The following AFG2A variants were observed in gnomAD, a reference collection of about 807,000 sequenced individuals.
The protein encoded by AFG2A is ATPase family gene 2 protein homolog A.
chr4:123,255,551 C>T, the AFG2A span, among the ~76,000 whole-genome samples: 1 of 151,352 alleles, frequency 6.6e-6, no homozygotes, highest in South Asian at 2.1e-4. Context: ...GCCACCATAC[C>T]TGTCCTTAAA....
chr4:123,059,301 C>A, the AFG2A span, among the ~76,000 whole-genome samples: 1 of 126,272 alleles, frequency 7.9e-6, no homozygotes, highest in Non-Finnish European at 1.7e-5. Flanking sequence ...CATCCCTCCC[C>A]CCTCCCCCGA....
the AFG2A span, among the ~76,000 whole-genome samples, chr4:123,206,069 G>T: frequency 6.6e-6 from 1 of 152,152 alleles, no homozygotes; most frequent in Non-Finnish European, 1.5e-5. Flanking sequence ...TTAAACAGTG[G>T]TTTCCTGATG....
At chr4:123,305,308 A>G in the AFG2A span, among the ~76,000 whole-genome samples, 14 of 152,248 alleles carry the variant, frequency 9.2e-5, no homozygotes, top group South Asian at 2.9e-3. Context: ...CGGCATCCCT[A>G]TTGGAAGGGA....
chr4:123,010,940 T>C, the AFG2A span, among the ~76,000 whole-genome samples: 1 of 152,222 alleles, frequency 6.6e-6, no homozygotes, highest in Non-Finnish European at 1.5e-5. Flanking sequence ...GGGACAAACT[T>C]TGATGTAAGT....
the AFG2A span, among the ~76,000 whole-genome samples, chr4:123,199,566 G>A: frequency 6.7e-6 from 1 of 148,210 alleles, no homozygotes; most frequent in East Asian, 2.0e-4. Flanking sequence ...CTGTCTCCCG[G>A]GTTCAAGCGA....
chr4:123,277,170 T>C, the AFG2A span, among the ~76,000 whole-genome samples: 1 of 152,136 alleles, frequency 6.6e-6, no homozygotes, highest in African/African-American at 2.4e-5. Context: ...AGTGTCATAA[T>C]TCTCCTTGTA....
the AFG2A span, among the ~76,000 whole-genome samples, chr4:122,990,807 T>A: frequency 6.6e-6 from 1 of 152,246 alleles, no homozygotes; most frequent in African/African-American, 2.4e-5. Context: ...CAGACTGGTC[T>A]GGAACTCGTG....
At chr4:123,043,697 A>G in the AFG2A span, among the ~76,000 whole-genome samples, 1 of 152,306 alleles carries the variant, frequency 6.6e-6, no homozygotes, top group Admixed American at 6.5e-5. Context: ...TAAGAAACAA[A>G]AAGAAGTCAG....
At chr4:122,998,347 C>T in the AFG2A span, among the ~76,000 whole-genome samples, 2 of 152,008 alleles carry the variant, frequency 1.3e-5, no homozygotes, top group Non-Finnish European at 2.9e-5. Flanking sequence ...TTTTAGGATA[C>T]ATGTGCACAA....
chr4:122,923,098 A>G, the AFG2A span: 30 of 1,610,628 alleles, frequency 1.9e-5, no homozygotes, highest in Middle Eastern at 1.7e-4. Context: ...AAGCGCGCAC[A>G]TTGAGTCGGC....
chr4:123,061,416 C>T, the AFG2A span, among the ~76,000 whole-genome samples: 1 of 152,166 alleles, frequency 6.6e-6, no homozygotes, highest in Non-Finnish European at 1.5e-5. Context: ...TTCCACATCG[C>T]TGGGGAGCCT....
the AFG2A span, among the ~76,000 whole-genome samples, chr4:123,297,980 CAACA>C: frequency 5.3e-3 from 814 of 152,164 alleles, 7 homozygotes; most frequent in African/African-American, 0.018. Context: ...CTCCACCAAC[CAACA>C]ATCGGCCTGA....
chr4:123,211,838 C>T, the AFG2A span, among the ~76,000 whole-genome samples: 1 of 151,806 alleles, frequency 6.6e-6, no homozygotes, highest in Admixed American at 6.6e-5. Flanking sequence ...ATACTGCAGG[C>T]GAAGACATAT....
At chr4:123,212,096 G>A in the AFG2A span, among the ~76,000 whole-genome samples, 1 of 152,086 alleles carries the variant, frequency 6.6e-6, no homozygotes. Flanking sequence ...AACAAAAATG[G>A]TGAGATCAGG....
At chr4:122,933,618 C>T in the AFG2A span, 1 of 709,830 alleles carries the variant, frequency 1.4e-6, no homozygotes, top group Admixed American at 3.1e-5. Flanking sequence ...TGAGAATATT[C>T]CCCTCAATGA....
chr4:123,315,541 A>AT, the AFG2A span: 1 of 151,964 alleles, frequency 6.6e-6, no homozygotes, highest in South Asian at 2.1e-4. Flanking sequence ...AAATATGTAT[A>AT]TTTATGCTTC....
chr4:122,938,333 A>T, the AFG2A span: 1 of 1,316,588 alleles, frequency 7.6e-7, no homozygotes, highest in Non-Finnish European at 9.8e-7. Context: ...AATGTGTCAG[A>T]GTCTTTGGAT....
chr4:122,997,323 G>C, the AFG2A span, among the ~76,000 whole-genome samples: 1 of 152,028 alleles, frequency 6.6e-6, no homozygotes, highest in East Asian at 1.9e-4. Flanking sequence ...CTCCCAACCT[G>C]CCCATCTCAC....
At chr4:123,219,141 TA>T in the AFG2A span, among the ~76,000 whole-genome samples, 1 of 152,218 alleles carries the variant, frequency 6.6e-6, no homozygotes, top group African/African-American at 2.4e-5. Flanking sequence ...ACAGTGCAGT[TA>T]TCAGTCTGTG....
Sources: gnomAD v4.1 joint callset for allele counts (sites outside exome capture counted in the v4.1 genomes callset) on GRCh38, gnomAD v4.1.1 for gene constraint, MANE v1.5 for transcripts, NCBI Gene and HGNC (gene_info 2026-07-23, HGNC 2026-07-21) for gene names.